GLI1: variants seen among roughly 807,000 people sequenced by gnomAD.
The protein encoded by GLI1 is GLI family zinc finger 1.
GLI1 carries 51 observed loss-of-function variants against 87.8 expected under a neutral mutation model. The observed-to-expected ratio is 0.58, with a 90% CI of 0.46 to 0.73. The LOEUF (loss-of-function observed/expected upper bound fraction) is 0.73. Among genes scored for constraint, GLI1 ranks in the 30% least tolerant of loss-of-function variants. The pLI, the probability that GLI1 is intolerant of heterozygous loss-of-function variation, is 0.00. For missense variants in GLI1, 1,292 were observed against 1,437.2 expected, an observed-to-expected ratio of 0.90 and a Z score of 1.63; for synonymous variants, 528 against 558.2, an observed-to-expected ratio of 0.95 and a Z score of 0.76.
At chr12:57,468,334 G>A in intron 10 of GLI1, 110 bp downstream of exon 10, 1 of 683,698 alleles carries the variant, frequency 1.5e-6, no homozygotes, top group Non-Finnish European at 2.5e-6. Flanking sequence ...ACTCTTCTGT[G>A]ACCAGTCTGC....
At chr12:57,465,737 A>G (rs1428325201) in intron 6 of GLI1, 41 bp downstream of exon 6, 2 of 1,613,920 alleles carry the variant, frequency 1.2e-6, no homozygotes, top group African/African-American at 2.7e-5. Flanking sequence ...GGACCTGAGC[A>G]AAACTAAAGC....
chr12:57,461,580 C>T (rs557916354), intron 1 of GLI1, among the ~76,000 whole-genome samples: 1 of 152,356 alleles, frequency 6.6e-6, no homozygotes, highest in South Asian at 2.1e-4. Context: ...TCCAGTAGTG[C>T]CCCCCTGGGC....
intron 11 of GLI1, among the ~76,000 whole-genome samples, chr12:57,470,028 CAAACAAAACA>C (rs575159204): frequency 6.6e-6 from 1 of 152,082 alleles, no homozygotes; most frequent in Non-Finnish European, 1.5e-5. Context: ...AACTCTGTTT[CAAACAAAACA>C]AAACAAAACA....
At chr12:57,468,651 C>T (rs939993829) in intron 10 of GLI1, among the ~76,000 whole-genome samples, 1 of 151,956 alleles carries the variant, frequency 6.6e-6, no homozygotes, top group African/African-American at 2.4e-5. Context: ...TTTTAGAGAT[C>T]GAGTCTTGCT....
intron 11 of GLI1, among the ~76,000 whole-genome samples, chr12:57,470,036 A>G (rs1179577927): frequency 6.6e-6 from 1 of 152,150 alleles, no homozygotes; most frequent in Non-Finnish European, 1.5e-5. Flanking sequence ...TTCAAACAAA[A>G]CAAAACAAAA....
At chr12:57,462,412 C>A (rs1475422382) in intron 1 of GLI1, among the ~76,000 whole-genome samples, 2 of 152,038 alleles carry the variant, frequency 1.3e-5, no homozygotes, top group Admixed American at 6.5e-5. Flanking sequence ...GATCACCCAC[C>A]GCGCCGGCCG....
chr12:57,471,340 A>G lies in GLI1; in HGVS notation c.2600A>G (p.Gln867Arg), dbSNP rs1871920190. 1.3e-6 allele frequency: 2 copies of G among 1,569,468 alleles called. No homozygotes were observed. The highest frequency in any genetic ancestry group is 2.3e-5 in the South Asian group (2 of 85,968). Residue 867 changes from glutamine (Q) to arginine (R), a missense_variant, in exon 12 of 12, where the codon CAG (glutamine) becomes CGG (arginine). Coordinates refer to ENST00000228682, the MANE Select transcript of GLI1 (RefSeq NM_005269.3). This position sits in a 1 kb window ranked among gnomAD's most constrained non-coding sequence, Gnocchi z 4.9. The part of the protein sequence containing the change: ...PQYLQSGPYT[Q>R]PPPDYLPSEP... ...TATCTCCAGTCAGGCCCCTATACCC[A>G]GCCACCCCCTGATTATCTTCCTTCA...
chr12:57,467,319 T>G lies in GLI1; in HGVS notation c.913-14T>G, dbSNP rs1316796176. On this transcript the variant is annotated splice_polypyrimidine_tract_variant and intron_variant, in intron 8 of 11. Transcript: ENST00000228682. ...TGTCTGAGAACTATCCTTTGACCCC[T>G]GCATGTCCCCCAGTTTGAAGGGTGC... The G allele has an allele frequency of 2.5e-6, 4 of 1,596,612 alleles. No homozygotes were observed. The highest frequency in any genetic ancestry group is 3.4e-6 in the Non-Finnish European group (4 of 1,167,100).
At chr12:57,463,366 C>T (rs1194869482) in intron 1 of GLI1, among the ~76,000 whole-genome samples, 1 of 152,294 alleles carries the variant, frequency 6.6e-6, no homozygotes, top group Non-Finnish European at 1.5e-5. Flanking sequence ...TACAGGCACC[C>T]GCCATCATGA....
In GLI1 at chr12:57,470,647, C is replaced by T. The variant is rs1263121069; in HGVS notation, c.1907C>T (p.Thr636Ile). The change falls in exon 12 of 12, where the codon ACC becomes ATC. Residue 636 changes from threonine (T) to isoleucine (I), a missense_variant. By Grantham distance (89) the Thr-to-Ile change is moderately conservative. Coordinates refer to ENST00000228682, the MANE Select transcript of GLI1 (RefSeq NM_005269.3). ...YPGYNPNAGV[T>I]RRASDPAQAA... ...GGATACAACCCCAATGCAGGGGTCA[C>T]CCGGAGGGCCAGTGACCCAGCCCAG... 6 of 1,613,760 alleles carry T rather than the reference C, an allele frequency of 3.7e-6. No homozygotes were observed. The highest frequency in any genetic ancestry group is 5.1e-6 in the Non-Finnish European group (6 of 1,179,880).
intron 10 of GLI1, among the ~76,000 whole-genome samples, 175 bp from the exon 11 acceptor site, chr12:57,469,256 C>G (rs995805525): frequency 1.2e-4 from 18 of 152,206 alleles, no homozygotes; most frequent in African/African-American, 4.3e-4. Flanking sequence ...CTAGGTTCTT[C>G]TCATCAAACG....
chr12:57,472,142 C>A lies in GLI1; in HGVS notation c.*81C>A. ...CCAGAAAAATTGGGGGAGCTGCAGT[C>A]CCATGCACAAGATGCCCCAGGGATG... On this transcript the variant is annotated 3_prime_UTR_variant, in exon 12 of 12. Coordinates refer to ENST00000228682, the MANE Select transcript of GLI1 (RefSeq NM_005269.3). The A allele has an allele frequency of 2.0e-6, 2 of 1,003,826 alleles. No individual in the cohort carries two copies. The highest frequency in any genetic ancestry group is 2.9e-6 in the Non-Finnish European group (2 of 699,930). The allele number at this position is 1,003,826 out of a possible 1,614,324, so 62.2% of individuals were successfully genotyped here. A position where few individuals can be genotyped will look rare whatever the true frequency, so the allele number is the denominator to read the frequency against.
At chr12:57,462,162 T>C (rs1053551736) in intron 1 of GLI1, among the ~76,000 whole-genome samples, 1 of 152,016 alleles carries the variant, frequency 6.6e-6, no homozygotes, top group Non-Finnish European at 1.5e-5. Flanking sequence ...GGGTGAGTCA[T>C]AGAGGGAAGG....
intron 1 of GLI1, chr12:57,460,690 C>T (rs1315044977): frequency 6.6e-6 from 1 of 151,486 alleles, no homozygotes; most frequent in African/African-American, 2.4e-5. Context: ...CAGGCTTGAA[C>T]CTTTGACCTG....
At chr12:57,469,301 G>C in intron 10 of GLI1, 130 bp from the exon 11 acceptor site, 1 of 850,636 alleles carries the variant, frequency 1.2e-6, no homozygotes. Context: ...TCTCTTACCT[G>C]CTTAGCCCTT....
In GLI1 at chr12:57,463,134, A is replaced by G. The variant is rs1432766169; in HGVS notation, c.-27-531A>G. On this transcript the variant is annotated intron_variant, in intron 1 of 11. Coordinates refer to ENST00000228682, the MANE Select transcript of GLI1 (RefSeq NM_005269.3). ...CAAAGCTCCCACCCAGTTCCCAAGA[A>G]GATCCCCAGAGTACACAGACTACAA... is the stretch of plus-strand genomic sequence containing the variant. Among the ~76,000 whole-genome samples the G allele has an allele frequency of 5.3e-5, 8 of 152,312 alleles. No homozygotes were observed. The South Asian group carries it at 1.0e-3, about 20-fold the overall frequency.
rs1871544689 is a variant in GLI1, at chr12:57,467,136, G to A, written c.913-197G>A. Among the ~76,000 whole-genome samples the A allele has an allele frequency of 2.6e-5, 4 of 152,104 alleles. No individual in the cohort carries two copies. The South Asian group carries it at 8.3e-4, about 32-fold the overall frequency. On this transcript the variant is annotated intron_variant, in intron 8 of 11. Transcript: ENST00000228682. ...TCTAGCATCTTTATATTCCCAAAGG[G>A]AGAGTGCCTCCAACTGCTTCCCTTC...
Position 57,470,364 on chromosome 12 carries a change from C to CGCA in GLI1, c.1633_1635dup (p.Ser548dup), listed in dbSNP as rs1565601374. 1.2e-6 allele frequency: 2 copies of CGCA among 1,607,986 alleles called. No homozygotes were observed. Among genetic ancestry groups the CGCA allele is most frequent in the Admixed American group, 1.7e-5 (1 of 59,568 alleles). On this transcript the variant is annotated inframe_insertion, in exon 12 of 12. Coordinates refer to ENST00000228682, the MANE Select transcript of GLI1 (RefSeq NM_005269.3). ...GGGCCCCCCAGTCTCTCTTGAACGC[C>CGCA]GCAGCAGCAGCTCCAGCAGCATCAG...
Position 57,471,348 on chromosome 12 carries a change from C to G in GLI1, c.2608C>G (p.Pro870Ala), listed in dbSNP as rs564746380. 2.2e-5 allele frequency: 35 copies of G among 1,587,326 alleles called. 2 individuals carry two copies. The South Asian group carries it at 3.9e-4, about 18-fold the overall frequency. The stretch of plus-strand genomic sequence containing the variant: ...GTCAGGCCCCTATACCCAGCCACCC[C>G]CTGATTATCTTCCTTCAGAACCCAG... ...LQSGPYTQPP[P>A]DYLPSEPRPC... Residue 870 changes from proline to alanine, a missense_variant, in exon 12 of 12, where the codon CCT becomes GCT. Physicochemically the swap from Pro to Ala is conservative, Grantham distance 27. Transcript: ENST00000228682. The surrounding 1 kb of genome is among the most constrained non-coding windows in gnomAD (Gnocchi z 4.9).
Sources: gnomAD v4.1 joint callset for allele counts (sites outside exome capture counted in the v4.1 genomes callset) on GRCh38, gnomAD v4.1.1 for gene constraint, Gnocchi (gnomAD v3.1) non-coding constraint, MANE v1.5 for transcripts, NCBI Gene and HGNC (gene_info 2026-07-23, HGNC 2026-07-21) for gene names.